Variants in STIM1 observed in about 807,000 individuals in gnomAD.
STIM1 encodes the protein stromal interaction molecule 1.
Under a neutral mutation model 74.7 loss-of-function variants are expected in STIM1, and 25 were observed. That is an observed-to-expected ratio of 0.33 (90% confidence interval 0.24 to 0.47). The LOEUF is 0.47. Ranked by LOEUF, STIM1 falls within the 20% of genes least tolerant of loss-of-function variation. The pLI is 1.00. For missense variants in STIM1, 728 were observed against 920.8 expected, an observed-to-expected ratio of 0.79 and a Z score of 2.71; for synonymous variants, 328 against 348.8, an observed-to-expected ratio of 0.94 and a Z score of 0.66.
intron 1 of STIM1, among the ~76,000 whole-genome samples, chr11:3,886,818 A>G (rs1365823587): frequency 1.3e-5 from 2 of 151,866 alleles, no homozygotes; most frequent in Non-Finnish European, 2.9e-5. Context: ...CCTGGATAAC[A>G]TGGTGAAACC....
At chr11:3,970,037 A>ATAAATTCTT (rs1282626100) in intron 2 of STIM1, among the ~76,000 whole-genome samples, 4 of 151,742 alleles carry the variant, frequency 2.6e-5, no homozygotes, top group Non-Finnish European at 4.4e-5. Context: ...CCCAAGATCT[A>ATAAATTCTT]TAAATTCTTG....
chr11:3,854,885 AT>A (rs2090303572), upstream of STIM1: 1 of 152,250 alleles, frequency 6.6e-6, no homozygotes, highest in Admixed American at 6.5e-5. Context: ...TGGACATTTC[AT>A]TTTGCTTTCT....
rs2133264567 is a variant in STIM1 at position 4,091,484 on chromosome 11, G to A, written c.1837G>A (p.Ala613Thr). The A allele has an allele frequency of 1.2e-6, 2 of 1,614,156 alleles. No homozygotes were observed. Among genetic ancestry groups the A allele is most frequent in the South Asian group, 2.2e-5 (2 of 91,084 alleles). Residue 613 changes from alanine to threonine, a missense_variant, in exon 13 of 13, where the codon GCA becomes ACA. Ala to Thr is a moderately conservative substitution (Grantham distance 58, BLOSUM62 0). This residue lies in a region of STIM1 where 352 missense variants were observed against 370.1 expected (regional missense o/e 0.95). Transcript: ENST00000526596. ...LPDSPALAKK[A>T]LLALNHGLDK... ...TGACAGCCCTGCCCTGGCCAAGAAG[G>A]CATTACTGGCGCTGAACCATGGGCT...
upstream of STIM1, chr11:3,855,444 C>T (rs1426998162): frequency 1.3e-5 from 2 of 152,058 alleles, no homozygotes; most frequent in East Asian, 3.9e-4. Context: ...GGGACTTGAT[C>T]CTTTGCGCGG....
intron 3 of STIM1, among the ~76,000 whole-genome samples, chr11:4,034,938 G>A (rs965379237): frequency 2.6e-5 from 4 of 152,064 alleles, no homozygotes; most frequent in South Asian, 2.1e-4. Flanking sequence ...TGTAAAATCA[G>A]TAATAATGTC....
In STIM1 at chr11:3,887,169, A is replaced by T. The variant is rs538705715; in HGVS notation, c.139+30760A>T. Among the ~76,000 whole-genome samples the T allele has an allele frequency of 7.9e-5, 12 of 152,166 alleles. No homozygotes were observed. The East Asian group carries it at 2.1e-3, about 27-fold the overall frequency. On this transcript the variant is annotated intron_variant, in intron 1 of 12. Transcript: ENST00000526596. ...GGTAATAAGAGAGGAGGCTTGGGAA[A>T]CCCAGCCTGAGTCTAGGTCCAGAGG...
chr11:4,053,577 G>A (rs946772982), intron 3 of STIM1, among the ~76,000 whole-genome samples: 3 of 148,324 alleles, frequency 2.0e-5, no homozygotes, highest in East Asian at 2.0e-4. Context: ...ACTGAGGCCT[G>A]TTGTGGGGTG....
chr11:4,025,070 C>A (rs187254648), intron 3 of STIM1, among the ~76,000 whole-genome samples: 178 of 152,306 alleles, frequency 1.2e-3, no homozygotes, highest in African/African-American at 4.1e-3. Flanking sequence ...TTGTCATTAT[C>A]ATGCATTTAG....
At chr11:3,979,930 A>G (rs11030484) in intron 2 of STIM1, among the ~76,000 whole-genome samples, 8,267 of 152,206 alleles carry the variant, frequency 0.054, 374 homozygotes, top group East Asian at 0.18. Context: ...GTTGTCCTCT[A>G]GAATGTGCCA....
chr11:4,004,907 C>G (rs971202559), intron 2 of STIM1, among the ~76,000 whole-genome samples: 8 of 152,162 alleles, frequency 5.3e-5, no homozygotes, highest in Non-Finnish European at 1.2e-4. Context: ...ACAGCCCCAT[C>G]AAAAAGTGGG....
At chr11:3,870,976 G>A (rs986075018) in intron 1 of STIM1, among the ~76,000 whole-genome samples, 2 of 148,192 alleles carry the variant, frequency 1.3e-5, no homozygotes, top group Admixed American at 6.9e-5. Flanking sequence ...GGGTTCAAGC[G>A]ATTCTCCCAC....
intron 5 of STIM1, among the ~76,000 whole-genome samples, chr11:4,060,149 G>A (rs1209422501): frequency 5.9e-5 from 9 of 152,306 alleles, no homozygotes; most frequent in Non-Finnish European, 8.8e-5. Flanking sequence ...GAATTAGGTT[G>A]TTCAGTCTCT....
intron 1 of STIM1, among the ~76,000 whole-genome samples, chr11:3,937,308 T>TAATAATAAC (rs1303900718): frequency 6.8e-5 from 10 of 147,618 alleles, no homozygotes; most frequent in Admixed American, 2.1e-4. Context: ...ATAATAATAA[T>TAATAATAAC]AATAATAATA....
intron 1 of STIM1, among the ~76,000 whole-genome samples, chr11:3,908,775 A>T (rs1459325217): frequency 1.3e-5 from 2 of 152,212 alleles, no homozygotes; most frequent in Non-Finnish European, 2.9e-5. Flanking sequence ...ATAAACCACA[A>T]GCCTAGAAAC....
chr11:4,050,638 C>G (rs1015121218), intron 3 of STIM1, among the ~76,000 whole-genome samples: 8 of 152,002 alleles, frequency 5.3e-5, no homozygotes, highest in Admixed American at 2.0e-4. Context: ...TCCTAAAATT[C>G]CAGGAAAATA....
At chr11:3,963,776 T>C (rs2093313576) in intron 1 of STIM1, among the ~76,000 whole-genome samples, 1 of 152,210 alleles carries the variant, frequency 6.6e-6, no homozygotes, top group South Asian at 2.1e-4. Flanking sequence ...AGTGATAGCA[T>C]ATAAATGTTG....
rs991275539 is a variant in STIM1 at position 4,092,192 on chromosome 11, C to A, written c.*394C>A. ...GCTCCTCCCTCCCACCACTCCCCAA[C>A]TTCCCCTAGCAGTTGCAGGGAAGAT... On this transcript the variant is annotated 3_prime_UTR_variant, in exon 13 of 13. Transcript: ENST00000526596. The A allele has an allele frequency of 9.2e-6, 3 of 326,660 alleles. No individual in the cohort carries two copies. The highest frequency in any genetic ancestry group is 1.8e-5 in the Non-Finnish European group (3 of 168,472). The allele number at this position is 326,660 out of a possible 1,614,324, so 20.2% of individuals were successfully genotyped here.
intron 2 of STIM1, among the ~76,000 whole-genome samples, chr11:4,012,373 A>G (rs929344717): frequency 6.6e-6 from 1 of 152,176 alleles, no homozygotes; most frequent in East Asian, 1.9e-4. Context: ...ATGCTCTTCC[A>G]TTTGTTTGTG....
intron 1 of STIM1, among the ~76,000 whole-genome samples, chr11:3,895,679 CTTCCTTCTTTCTTTCTTTCTTTCT>C (rs2092081515): frequency 4.2e-5 from 2 of 47,330 alleles, no homozygotes; most frequent in Non-Finnish European, 7.4e-5. Flanking sequence ...TCTTTCCTTC[CTTCCTTCTTTCTTTCTTTCTTTCT>C]TTCTTTCTTT....
Sources: allele counts gnomAD v4.1 joint callset (sites outside exome capture counted in the v4.1 genomes callset), GRCh38; gene constraint gnomAD v4.1.1; regional missense constraint gnomAD v4.1.1; transcripts MANE v1.5; gene names NCBI Gene and HGNC (gene_info 2026-07-23, HGNC 2026-07-21).